SYNE3: variants seen among roughly 807,000 people sequenced by gnomAD.
SYNE3 encodes the protein spectrin repeat containing nuclear envelope family member 3.
SYNE3 carries 100 observed loss-of-function variants against 111.2 expected under a neutral mutation model. That is an observed-to-expected ratio of 0.90 (90% CI 0.77 to 1.06). The LOEUF (loss-of-function observed/expected upper bound fraction) is 1.06, where lower values mean the gene tolerates loss of function less well. Ranked by LOEUF, SYNE3 falls within the 50% of genes least tolerant of loss-of-function variation. SYNE3 has a pLI of 0.00. For synonymous variants in SYNE3, 547 were observed against 533.9 expected, an observed-to-expected ratio of 1.02 and a Z score of -0.34; for missense variants, 1,160 against 1,240.3, an observed-to-expected ratio of 0.94 and a Z score of 0.97.
At chr14:95,444,742 C>A in intron 9 of SYNE3, 114 bp from the exon 10 acceptor site, 1 of 1,315,006 alleles carries the variant, frequency 7.6e-7, no homozygotes, top group Admixed American at 2.8e-5. Context: ...CATGCTCATT[C>A]AGGCGCCACC....
At chr14:95,516,534 G>GCCCGGAC (rs1319732782) in intron 1 of SYNE3, among the ~76,000 whole-genome samples, 62 bp downstream of exon 1, 1 of 131,746 alleles carries the variant, frequency 7.6e-6, no homozygotes, top group Non-Finnish European at 1.7e-5. Context: ...GACCCCACCC[G>GCCCGGAC]CCCGGCCCCC....
chr14:95,516,354 G>A (rs1424608635), intron 1 of SYNE3: 1 of 152,212 alleles, frequency 6.6e-6, no homozygotes, highest in Non-Finnish European at 1.5e-5. Flanking sequence ...GAAAGGCTCG[G>A]GAATTTCGCA....
At chr14:95,443,334 C>A in intron 10 of SYNE3, 45 bp from the exon 11 acceptor site, 1 of 1,611,460 alleles carries the variant, frequency 6.2e-7, no homozygotes, top group Non-Finnish European at 8.5e-7. Flanking sequence ...CCCACCTCTC[C>A]CTCCCTTGGG....
rs781319602 is a variant in SYNE3 at position 95,417,735 on chromosome 14, CCT to C, written c.*89_*90del. 30 of 1,393,090 alleles carry C rather than the reference CCT, an allele frequency of 2.2e-5. No homozygotes were observed. Among genetic ancestry groups the C allele is most frequent in the South Asian group, 3.5e-5 (3 of 85,728 alleles). 86.3% of individuals were successfully genotyped at this position (1,393,090 alleles called of 1,614,324 possible). ...GCAGCTCTGCAGTCTTTGCCCTGCC[CCT>C]GTTTCCAGTTTCCCTGGCGAGCATC... On this transcript the variant is annotated 3_prime_UTR_variant, in exon 18 of 18. Transcript: ENST00000682763.
At chr14:95,487,897 A>G (rs1186190504) in intron 1 of SYNE3, among the ~76,000 whole-genome samples, 1 of 141,558 alleles carries the variant, frequency 7.1e-6, no homozygotes, top group African/African-American at 2.8e-5. Flanking sequence ...CCCTCGAGAC[A>G]GCAAGACCAA....
At chr14:95,509,174 T>C (rs1411424944) in intron 1 of SYNE3, among the ~76,000 whole-genome samples, 1 of 152,006 alleles carries the variant, frequency 6.6e-6, no homozygotes, top group Admixed American at 6.5e-5. Context: ...ACCAACCCTG[T>C]AGGAGGTGAC....
intron 10 of SYNE3, chr14:95,443,539 A>T: frequency 2.3e-6 from 1 of 439,210 alleles, no homozygotes; most frequent in South Asian, 5.6e-5. Flanking sequence ...CTGCTACAAG[A>T]CAGATGGCAT....
intron 1 of SYNE3, among the ~76,000 whole-genome samples, chr14:95,506,859 G>A (rs889380858): frequency 1.3e-5 from 2 of 152,272 alleles, no homozygotes; most frequent in East Asian, 1.9e-4. Context: ...TGCCACAGGC[G>A]ACAAAATCAG....
rs1369513820 is a variant in SYNE3, at chr14:95,409,732, T to C, written c.*8094A>G. The C allele has an allele frequency of 6.9e-6, 2 of 289,128 alleles. No homozygotes were observed. Among genetic ancestry groups the C allele is most frequent in the Non-Finnish European group, 1.4e-5 (2 of 148,120 alleles). The allele number at this position is 289,128 out of a possible 1,614,324, so 17.9% of individuals were successfully genotyped here. Reference sequence around the variant, plus strand: ...TGAAAAACAGAAGTCGTTTCTCTCATACACAGAAGCTAAGGGAGAAACGAC... The same window carrying C: ...TGAAAAACAGAAGTCGTTTCTCTCACACACAGAAGCTAAGGGAGAAACGAC... On this transcript the variant is annotated 3_prime_UTR_variant, in exon 18 of 18. Coordinates refer to ENST00000682763, the MANE Select transcript of SYNE3 (RefSeq NM_152592.6).
In SYNE3 at chr14:95,451,846, G is replaced by A. The variant is rs149832589; in HGVS notation, c.1274+401C>T. ...TGGAGGTCCTGCTGTGCCTGAGCCC[G>A]GGGGCTGAGGGACACGTGGAGGCTG... is the stretch of plus-strand genomic sequence containing the variant. On this transcript the variant is annotated intron_variant, in intron 7 of 17. Transcript: ENST00000682763. 4.0e-4 allele frequency: 63 copies of A among 157,050 alleles called. 1 individual carries two copies. Among genetic ancestry groups the A allele is most frequent in the African/African-American group, 1.4e-3 (57 of 41,814 alleles). 9.7% of individuals were successfully genotyped at this position (157,050 alleles called of 1,614,324 possible).
At chr14:95,508,820 G>T (rs2139613170) in intron 1 of SYNE3, among the ~76,000 whole-genome samples, 1 of 152,352 alleles carries the variant, frequency 6.6e-6, no homozygotes, top group East Asian at 1.9e-4. Context: ...TCCCCTGAAG[G>T]GGGCCGCAGA....
chr14:95,459,825 T>A (rs1364870947), intron 4 of SYNE3, among the ~76,000 whole-genome samples: 3 of 152,130 alleles, frequency 2.0e-5, no homozygotes, highest in Admixed American at 6.5e-5. Context: ...AGGCTGGGCA[T>A]GGTGGCTCGT....
intron 17 of SYNE3, among the ~76,000 whole-genome samples, chr14:95,427,378 T>A (rs1885493998): frequency 6.6e-6 from 1 of 152,032 alleles, no homozygotes; most frequent in Non-Finnish European, 1.5e-5. Context: ...GGGCCTGACA[T>A]CAGTCAGGCC....
At position 95,449,753 on chromosome 14, in the gene SYNE3, T is replaced by C. The variant is rs998750116; in HGVS notation, c.1449+178A>G. ...CAGGAGCCGAGCTGACCTTTGTCAG[T>C]GTAACAAGCAAGCATGGACGCTCCC... On this transcript the variant is annotated intron_variant, in intron 8 of 17. Coordinates refer to ENST00000682763, the MANE Select transcript of SYNE3 (RefSeq NM_152592.6). The C allele has an allele frequency of 5.2e-6, 5 of 959,942 alleles. No homozygotes were observed. The African/African-American group carries it at 8.8e-5, about 17-fold the overall frequency. The allele number at this position is 959,942 out of a possible 1,614,324, so 59.5% of individuals were successfully genotyped here.
rs1026425783 is a variant in SYNE3 at position 95,413,030 on chromosome 14, G to C, written c.*4796C>G. On this transcript the variant is annotated 3_prime_UTR_variant, in exon 18 of 18. Coordinates refer to ENST00000682763, the MANE Select transcript of SYNE3 (RefSeq NM_152592.6). ...TCCTATGGAAAGAAAAACTCAAGTTGTTCCCTCGTATTGTTTCACTTGCCT... is the reference window on the plus strand; with the variant it reads ...TCCTATGGAAAGAAAAACTCAAGTTCTTCCCTCGTATTGTTTCACTTGCCT... 1 of 152,194 alleles carries C rather than the reference G, an allele frequency of 6.6e-6. No individual in the cohort carries two copies. The highest frequency in any genetic ancestry group is 2.4e-5 in the African/African-American group (1 of 41,422). 9.4% of individuals were successfully genotyped at this position (152,194 alleles called of 1,614,324 possible).
chr14:95,454,206 G>A (rs1887270193), intron 6 of SYNE3, among the ~76,000 whole-genome samples: 1 of 152,262 alleles, frequency 6.6e-6, no homozygotes, highest in South Asian at 2.1e-4. Flanking sequence ...ATCCACTGAT[G>A]TCTGGATTCC....
intron 11 of SYNE3, among the ~76,000 whole-genome samples, 176 bp downstream of exon 11, chr14:95,442,979 T>C (rs1295199816): frequency 6.6e-6 from 1 of 151,924 alleles, no homozygotes; most frequent in Non-Finnish European, 1.5e-5. Context: ...GCCTGGCATA[T>C]GGGAGGTGCT....
Position 95,417,955 on chromosome 14 carries a change from A to AAGC in SYNE3, c.2796_2798dup (p.Leu936dup). ...ACAGCAGGAGGAGGAACAGCAGCAG[A>AAGC]AGCAGCTGCAGTGGGAGCGCCACAC... On this transcript the variant is annotated inframe_insertion, in exon 18 of 18. Coordinates refer to ENST00000682763, the MANE Select transcript of SYNE3 (RefSeq NM_152592.6). The AAGC allele has an allele frequency of 6.2e-7, 1 of 1,613,268 alleles. No homozygotes were observed. The highest frequency in any genetic ancestry group is 1.1e-5 in the South Asian group (1 of 91,054).
At chr14:95,421,944 A>G (rs1435602938) in intron 17 of SYNE3, among the ~76,000 whole-genome samples, 2 of 152,142 alleles carry the variant, frequency 1.3e-5, no homozygotes. Context: ...TTCCTCCAGG[A>G]GACCCTCCCT....
Sources: allele counts gnomAD v4.1 joint callset (sites outside exome capture counted in the v4.1 genomes callset), GRCh38; gene constraint gnomAD v4.1.1; transcripts MANE v1.5; gene names NCBI Gene and HGNC (gene_info 2026-07-23, HGNC 2026-07-21).